The following RERG variants were observed in gnomAD, a reference collection of about 807,000 sequenced individuals.
RERG encodes the protein RAS like estrogen regulated growth inhibitor.
Under a neutral mutation model 23.2 loss-of-function variants are expected in RERG, and 25 were observed. That is an observed-to-expected ratio of 1.08 (90% CI 0.79 to 1.50). RERG has a LOEUF of 1.50. Ranked by LOEUF, RERG falls within the 40% of genes most tolerant of loss-of-function variation. The probability of loss-of-function intolerance (pLI) is 0.00; values close to 1 mark genes in which losing one functional copy is unlikely to be tolerated. For missense variants in RERG, 253 were observed against 250.1 expected (o/e 1.01, Z -0.08); for synonymous variants, 81 against 89.1 (o/e 0.91, Z 0.51).
At chr12:15,129,129 C>T (rs761757100) in intron 2 of RERG, among the ~76,000 whole-genome samples, 13 of 152,298 alleles carry the variant, frequency 8.5e-5, no homozygotes, top group African/African-American at 2.9e-4. Context: ...GTTGAAGCTT[C>T]GCTTTCACAG....
chr12:15,212,795 A>G (rs1293480354), intron 2 of RERG, among the ~76,000 whole-genome samples: 1 of 152,216 alleles, frequency 6.6e-6, no homozygotes, highest in Non-Finnish European at 1.5e-5. Flanking sequence ...AAGTATACAT[A>G]TATTTTAAAG....
intron 2 of RERG, chr12:15,137,777 C>T: frequency 7.3e-6 from 3 of 409,378 alleles, no homozygotes; most frequent in Non-Finnish European, 1.4e-5. Context: ...ATTGAACAAA[C>T]TGTTATTTGT....
intron 2 of RERG, among the ~76,000 whole-genome samples, chr12:15,124,448 T>C (rs938024447): frequency 6.6e-6 from 1 of 152,042 alleles, no homozygotes; most frequent in Non-Finnish European, 1.5e-5. Context: ...TATTTAAGAG[T>C]CATATTCAAG....
intron 2 of RERG, among the ~76,000 whole-genome samples, chr12:15,206,387 G>A (rs1012487451): frequency 1.3e-5 from 2 of 152,094 alleles, no homozygotes; most frequent in African/African-American, 4.8e-5. Context: ...ACACCCAACA[G>A]GGCATGGCAC....
intron 2 of RERG, among the ~76,000 whole-genome samples, chr12:15,174,496 G>GTGTA (rs1269595859): frequency 1.8e-4 from 27 of 150,252 alleles, no homozygotes; most frequent in Non-Finnish European, 2.5e-4. Flanking sequence ...GTGTGTGTGT[G>GTGTA]TATATATATA....
chr12:15,213,862 T>G (rs191048899), intron 2 of RERG, among the ~76,000 whole-genome samples: 7 of 152,356 alleles, frequency 4.6e-5, no homozygotes, highest in Non-Finnish European at 8.8e-5. Flanking sequence ...AATTTATTGG[T>G]GACACTAATA....
At chr12:15,203,889 G>C (rs1865250274) in intron 2 of RERG, among the ~76,000 whole-genome samples, 1 of 151,464 alleles carries the variant, frequency 6.6e-6, no homozygotes, top group African/African-American at 2.4e-5. Context: ...TATAAATTGA[G>C]AACTATAATA....
chr12:15,170,017 C>A (rs1238754430), intron 2 of RERG, among the ~76,000 whole-genome samples: 1 of 150,788 alleles, frequency 6.6e-6, no homozygotes, highest in Non-Finnish European at 1.5e-5. Flanking sequence ...GATGATGAGA[C>A]CCAGCTTACA....
chr12:15,156,552 G>C (rs1480877611), intron 2 of RERG, among the ~76,000 whole-genome samples: 1 of 152,178 alleles, frequency 6.6e-6, no homozygotes, highest in Non-Finnish European at 1.5e-5. Context: ...ATTTTCACAA[G>C]AAGTAACATT....
intron 2 of RERG, chr12:15,217,180 C>T: frequency 2.6e-6 from 1 of 379,342 alleles, no homozygotes; most frequent in Non-Finnish European, 4.7e-6. Flanking sequence ...AATCAGAATG[C>T]CAAGACCTCT....
At chr12:15,215,109 AT>A (rs1178599727) in intron 2 of RERG, among the ~76,000 whole-genome samples, 1 of 152,246 alleles carries the variant, frequency 6.6e-6, no homozygotes, top group African/African-American at 2.4e-5. Context: ...AAATGGTGGA[AT>A]GTATTCAAGG....
intron 2 of RERG, among the ~76,000 whole-genome samples, chr12:15,198,421 A>T (rs150237994): frequency 6.4e-4 from 98 of 152,244 alleles, no homozygotes; most frequent in Admixed American, 1.3e-3. Context: ...GAGTTTCCAA[A>T]TGCTATTTTG....
intron 2 of RERG, among the ~76,000 whole-genome samples, chr12:15,139,378 T>G (rs529571323): frequency 2.6e-5 from 4 of 152,108 alleles, no homozygotes; most frequent in Non-Finnish European, 5.9e-5. Context: ...GGGATTTTAC[T>G]TGAATTGGAT....
chr12:15,142,713 G>A (rs1367655760), intron 2 of RERG, among the ~76,000 whole-genome samples: 2 of 152,106 alleles, frequency 1.3e-5, no homozygotes, highest in African/African-American at 2.4e-5. Flanking sequence ...AGGGGGGGTA[G>A]GAGAGAAGAA....
chr12:15,159,280 A>G (rs1340713061), intron 2 of RERG, among the ~76,000 whole-genome samples: 1 of 152,150 alleles, frequency 6.6e-6, no homozygotes, highest in East Asian at 1.9e-4. Flanking sequence ...TGTCCTCTTG[A>G]TAGGTCCCTA....
intron 2 of RERG, among the ~76,000 whole-genome samples, chr12:15,206,660 G>C (rs973102870): frequency 2.6e-5 from 4 of 152,038 alleles, no homozygotes; most frequent in Non-Finnish European, 5.9e-5. Context: ...TGATCCCGAG[G>C]CATGGTAAAG....
Position 15,126,157 on chromosome 12 carries a change from T to TATATATATATATATA in RERG, c.62-5039_62-5038insTATATATATATATAT, listed in dbSNP as rs1555120854. On this transcript the variant is annotated intron_variant, in intron 2 of 4. Transcript: ENST00000256953. ...TATATATATATATATATATATGTAT[T>TATATATATATATATA]TACACACATACATTTTTACATATAT... Among the ~76,000 whole-genome samples the TATATATATATATATA allele has an allele frequency of 5.3e-3, 291 of 55,340 alleles. 8 individuals are homozygous for TATATATATATATATA. The highest frequency in any genetic ancestry group is 0.014 in the African/African-American group (256 of 18,356). 36.3% of individuals were successfully genotyped at this position (55,340 alleles called of 152,430 possible).
intron 2 of RERG, among the ~76,000 whole-genome samples, chr12:15,214,836 G>A (rs1865418663): frequency 1.3e-5 from 2 of 152,152 alleles, no homozygotes. Context: ...GACAGAGGGA[G>A]ACCCAGTGTC....
At chr12:15,154,359 T>C (rs890400022) in intron 2 of RERG, 1 of 152,202 alleles carries the variant, frequency 6.6e-6, no homozygotes, top group Non-Finnish European at 1.5e-5. Context: ...CTTTTAAAGT[T>C]TGCCAGACCA....
Sources: gnomAD v4.1 joint callset for allele counts (sites outside exome capture counted in the v4.1 genomes callset) on GRCh38, gnomAD v4.1.1 for gene constraint, MANE v1.5 for transcripts, NCBI Gene and HGNC (gene_info 2026-07-23, HGNC 2026-07-21) for gene names.